Variants in SLC16A10 observed in about 807,000 individuals in gnomAD.
The protein encoded by SLC16A10 is solute carrier family 16 member 10.
Under a neutral mutation model 40.0 loss-of-function variants are expected in SLC16A10, and 27 were observed. The ratio of observed to expected loss-of-function variants is 0.67; its 90% CI spans 0.50 to 0.93. The LOEUF (loss-of-function observed/expected upper bound fraction) is 0.93, where lower values mean the gene tolerates loss of function less well. Among genes scored for constraint, SLC16A10 ranks in the 40% least tolerant of loss-of-function variants. The pLI, the probability that SLC16A10 is intolerant of heterozygous loss-of-function variation, is 0.00. For synonymous variants in SLC16A10, 213 were observed against 249.8 expected (o/e 0.85, Z 1.39); for missense variants, 529 against 658.2 (o/e 0.80, Z 2.15).
At chr6:111,112,960 A>G (rs1771416282) in intron 1 of SLC16A10, among the ~76,000 whole-genome samples, 1 of 152,248 alleles carries the variant, frequency 6.6e-6, no homozygotes, top group African/African-American at 2.4e-5. Context: ...CCAAAACACA[A>G]GAACTCCAGT....
At chr6:111,183,385 T>G (rs1583349378) in intron 3 of SLC16A10, among the ~76,000 whole-genome samples, 1 of 152,254 alleles carries the variant, frequency 6.6e-6, no homozygotes, top group Admixed American at 6.5e-5. Flanking sequence ...TTTACACGTC[T>G]GCTAGAATGT....
intron 1 of SLC16A10, among the ~76,000 whole-genome samples, chr6:111,106,637 G>A (rs188564208): frequency 2.0e-5 from 3 of 152,304 alleles, no homozygotes; most frequent in Non-Finnish European, 2.9e-5. Flanking sequence ...ACTCTATTGA[G>A]CTGGAACTAT....
chr6:111,205,342 C>T (rs1773237193), intron 3 of SLC16A10, among the ~76,000 whole-genome samples: 1 of 152,132 alleles, frequency 6.6e-6, no homozygotes, highest in Admixed American at 6.5e-5. Flanking sequence ...TTGCAGACTT[C>T]CAGAACTCAG....
At chr6:111,193,076 C>G (rs1773023132) in intron 3 of SLC16A10, among the ~76,000 whole-genome samples, 1 of 152,098 alleles carries the variant, frequency 6.6e-6, no homozygotes. Flanking sequence ...TAGTCTCAAA[C>G]TCCTGGGCAT....
chr6:111,153,642 A>T (rs986875684), intron 1 of SLC16A10, among the ~76,000 whole-genome samples: 17 of 152,222 alleles, frequency 1.1e-4, no homozygotes, highest in Admixed American at 9.2e-4. Flanking sequence ...TGGGGTATGA[A>T]TCTAGAAGTT....
chr6:111,148,772 C>A (rs944958407), intron 1 of SLC16A10, among the ~76,000 whole-genome samples: 3 of 152,132 alleles, frequency 2.0e-5, no homozygotes, highest in African/African-American at 7.2e-5. Flanking sequence ...TTTAACCAAC[C>A]ACTTTTTGCC....
intron 1 of SLC16A10, among the ~76,000 whole-genome samples, chr6:111,163,394 C>T (rs1054748739): frequency 7.2e-5 from 11 of 151,922 alleles, no homozygotes; most frequent in East Asian, 3.9e-4. Flanking sequence ...CCTCGTGATC[C>T]GCCCGCCTCG....
chr6:111,128,508 G>T (rs943519200), intron 1 of SLC16A10, among the ~76,000 whole-genome samples: 11 of 152,162 alleles, frequency 7.2e-5, no homozygotes, highest in Non-Finnish European at 1.3e-4. Flanking sequence ...AAGAAAGGCT[G>T]GCTGATCAAG....
intron 1 of SLC16A10, among the ~76,000 whole-genome samples, chr6:111,118,422 C>A (rs965124236): frequency 3.9e-5 from 6 of 152,166 alleles, no homozygotes; most frequent in Admixed American, 2.0e-4. Context: ...TGGCTCACGC[C>A]TGTAATCCCA....
intron 3 of SLC16A10, among the ~76,000 whole-genome samples, chr6:111,185,425 A>T: frequency 6.6e-6 from 1 of 152,064 alleles, no homozygotes; most frequent in South Asian, 2.1e-4. Context: ...CTGTTCCAGC[A>T]CTCAGAGCAT....
chr6:111,156,551 A>G (rs1468868390), intron 1 of SLC16A10, among the ~76,000 whole-genome samples: 3 of 152,244 alleles, frequency 2.0e-5, no homozygotes, highest in Non-Finnish European at 4.4e-5. Context: ...ATCCTAATTG[A>G]GGGACATGCT....
intron 3 of SLC16A10, among the ~76,000 whole-genome samples, chr6:111,188,104 T>G (rs986184660): frequency 2.6e-5 from 4 of 152,180 alleles, no homozygotes; most frequent in African/African-American, 9.7e-5. Context: ...ACTTTTTTAT[T>G]TATTTAAAAT....
At chr6:111,179,891 T>A (rs889301027) in intron 3 of SLC16A10, among the ~76,000 whole-genome samples, 1 of 152,252 alleles carries the variant, frequency 6.6e-6, no homozygotes, top group African/African-American at 2.4e-5. Context: ...CCTCTTTGGT[T>A]ATGTACTGAG....
At chr6:111,215,780 A>G (rs1773412088) in intron 4 of SLC16A10, among the ~76,000 whole-genome samples, 1 of 152,186 alleles carries the variant, frequency 6.6e-6, no homozygotes. Flanking sequence ...CAAAGCAAGT[A>G]GTTTGTTTGA....
chr6:111,121,168 T>A (rs914359500), intron 1 of SLC16A10, among the ~76,000 whole-genome samples: 36 of 152,232 alleles, frequency 2.4e-4, no homozygotes, highest in African/African-American at 8.2e-4. Flanking sequence ...CAGCAAAATG[T>A]AATGACACGT....
intron 5 of SLC16A10, among the ~76,000 whole-genome samples, chr6:111,221,401 T>C (rs1770891777): frequency 6.6e-6 from 1 of 152,182 alleles, no homozygotes; most frequent in African/African-American, 2.4e-5. Context: ...AATTTTGAAT[T>C]ATGATGTTAA....
At chr6:111,134,287 T>C (rs565989156) in intron 1 of SLC16A10, among the ~76,000 whole-genome samples, 1 of 152,324 alleles carries the variant, frequency 6.6e-6, no homozygotes, top group Non-Finnish European at 1.5e-5. Flanking sequence ...TGATGTCCAC[T>C]ATAACACAGG....
chr6:111,228,248 G>C lies in SLC16A10; in HGVS notation c.*6013G>C, dbSNP rs1039892168. On this transcript the variant is annotated 3_prime_UTR_variant, in exon 6 of 6. Coordinates refer to ENST00000368851, the MANE Select transcript of SLC16A10 (RefSeq NM_018593.5). ...ATGATCAGTGATGACAGATTGTACA[G>C]CTGTGCCCAAACCTGACAACTTACA... 2.0e-5 allele frequency: 3 copies of C among 152,178 alleles called. No individual in the cohort carries two copies. The highest frequency in any genetic ancestry group is 4.8e-5 in the African/African-American group (2 of 41,442). 9.4% of individuals were successfully genotyped at this position (152,178 alleles called of 1,614,324 possible).
intron 5 of SLC16A10, 47 bp from the exon 6 acceptor site, chr6:111,221,956 C>T: frequency 6.4e-7 from 1 of 1,557,164 alleles, no homozygotes; most frequent in Non-Finnish European, 8.6e-7. Context: ...AGACCCCCTA[C>T]AGAGCCACAC....
Sources: gnomAD v4.1 joint callset for allele counts (sites outside exome capture counted in the v4.1 genomes callset) on GRCh38, gnomAD v4.1.1 for gene constraint, MANE v1.5 for transcripts, NCBI Gene and HGNC (gene_info 2026-07-23, HGNC 2026-07-21) for gene names.